Variants in CNTN5 observed in about 807,000 individuals in gnomAD.
The protein encoded by CNTN5 is contactin 5, also known as contactin-5.
Under a neutral mutation model 129.1 loss-of-function variants are expected in CNTN5, and 77 were observed. The ratio of observed to expected loss-of-function variants is 0.60; its 90% CI spans 0.50 to 0.72. The LOEUF (loss-of-function observed/expected upper bound fraction) is 0.72. Ranked by LOEUF, CNTN5 falls within the 30% of genes least tolerant of loss-of-function variation. CNTN5 has a pLI of 0.00. For missense variants in CNTN5, 1,478 were observed against 1,328.8 expected (o/e 1.11, Z -1.75); for synonymous variants, 509 against 465.6 (o/e 1.09, Z -1.20).
chr11:99,637,697 AAT>A (rs538996884), intron 3 of CNTN5, among the ~76,000 whole-genome samples: 4 of 150,098 alleles, frequency 2.7e-5, no homozygotes, highest in African/African-American at 9.7e-5. Context: ...GGTGCTCAAA[AAT>A]ATATAACTAT....
intron 2 of CNTN5, among the ~76,000 whole-genome samples, chr11:99,438,922 G>A (rs1019746876): frequency 1.3e-5 from 2 of 152,208 alleles, no homozygotes; most frequent in African/African-American, 4.8e-5. Flanking sequence ...CTTCGATGAT[G>A]TTGTGACGCT....
chr11:99,259,807 TTTTG>T (rs1862546479), intron 1 of CNTN5, among the ~76,000 whole-genome samples: 1 of 151,910 alleles, frequency 6.6e-6, no homozygotes, highest in African/African-American at 2.4e-5. Context: ...CATGTTATAA[TTTTG>T]TTTATTTCTT....
chr11:99,846,174 T>A (rs1323424074), intron 6 of CNTN5, among the ~76,000 whole-genome samples: 1 of 126,118 alleles, frequency 7.9e-6, no homozygotes, highest in Non-Finnish European at 1.7e-5. Flanking sequence ...ATATAAACAT[T>A]TCTAAAGTAG....
chr11:99,667,179 C>A (rs1335283817), intron 3 of CNTN5, among the ~76,000 whole-genome samples: 2 of 151,864 alleles, frequency 1.3e-5, no homozygotes, highest in Non-Finnish European at 1.5e-5. Context: ...AACCAAAGGT[C>A]AGTGGTATGA....
chr11:99,145,387 T>TG (rs1555057559), intron 1 of CNTN5, among the ~76,000 whole-genome samples: 1 of 151,500 alleles, frequency 6.6e-6, no homozygotes, highest in Non-Finnish European at 1.5e-5. Context: ...CTTTTTTTTT[T>TG]CTGTAGATGT....
chr11:99,107,189 A>T (rs1035296937), intron 1 of CNTN5, among the ~76,000 whole-genome samples: 1 of 152,182 alleles, frequency 6.6e-6, no homozygotes, highest in Non-Finnish European at 1.5e-5. Flanking sequence ...ATATTGAAGA[A>T]TAATAGAAGA....
At chr11:99,059,306 A>T (rs1214790807) in intron 1 of CNTN5, among the ~76,000 whole-genome samples, 1 of 152,076 alleles carries the variant, frequency 6.6e-6, no homozygotes, top group Non-Finnish European at 1.5e-5. Context: ...AACAATATGT[A>T]GACTATTCTT....
chr11:99,702,632 G>A (rs1285289369), intron 3 of CNTN5, among the ~76,000 whole-genome samples: 1 of 150,642 alleles, frequency 6.6e-6, no homozygotes, highest in African/African-American at 2.4e-5. Flanking sequence ...TTCAAAATTG[G>A]ATCATATTCA....
chr11:99,888,326 T>C (rs1948954074), intron 6 of CNTN5, among the ~76,000 whole-genome samples: 1 of 152,216 alleles, frequency 6.6e-6, no homozygotes, highest in South Asian at 2.1e-4. Flanking sequence ...ATATATATTT[T>C]ATGATAAGCA....
rs972500035 is a variant in CNTN5 at position 99,325,362 on chromosome 11, G to A, written c.-193G>A. On this transcript the variant is annotated 5_prime_UTR_variant, in exon 2 of 25. Coordinates refer to ENST00000524871, the MANE Select transcript of CNTN5 (RefSeq NM_014361.4). ...TCTTAACAGGTGTCTTTAAAGGATT[G>A]CCATTTAATGCCATTCAAGATCTAC... 6.6e-6 allele frequency: 1 copy of A among 151,906 alleles called. No individual in the cohort carries two copies. The highest frequency in any genetic ancestry group is 1.5e-5 in the Non-Finnish European group (1 of 67,968). 9.4% of individuals were successfully genotyped at this position (151,906 alleles called of 1,614,324 possible).
chr11:99,445,734 C>G (rs1944035811), intron 2 of CNTN5, among the ~76,000 whole-genome samples: 1 of 152,070 alleles, frequency 6.6e-6, no homozygotes, highest in Non-Finnish European at 1.5e-5. Context: ...TTTTATATTT[C>G]AGAGGACGTA....
intron 13 of CNTN5, among the ~76,000 whole-genome samples, chr11:100,116,123 G>T (rs1291251454): frequency 1.3e-5 from 2 of 151,948 alleles, no homozygotes; most frequent in Non-Finnish European, 2.9e-5. Context: ...CCCAAGTTTA[G>T]GTTCTCTGGG....
chr11:99,769,017 G>T (rs559896698), intron 3 of CNTN5, among the ~76,000 whole-genome samples: 1,784 of 147,018 alleles, frequency 0.012, 29 homozygotes, highest in African/African-American at 0.042. Flanking sequence ...CTGTTTAAAA[G>T]TTCTTTTCTC....
intron 3 of CNTN5, among the ~76,000 whole-genome samples, chr11:99,698,615 G>T (rs1954376427): frequency 6.6e-6 from 1 of 151,360 alleles, no homozygotes; most frequent in Non-Finnish European, 1.5e-5. Context: ...TATACCAACT[G>T]TTCCAACTTT....
intron 21 of CNTN5, among the ~76,000 whole-genome samples, chr11:100,334,727 A>AT (rs1951992433): frequency 6.6e-6 from 1 of 152,190 alleles, no homozygotes; most frequent in South Asian, 2.1e-4. Flanking sequence ...GAACTAAGCT[A>AT]TGAAGATGCA....
intron 3 of CNTN5, among the ~76,000 whole-genome samples, chr11:99,589,524 G>A (rs1949911548): frequency 6.6e-6 from 1 of 152,100 alleles, no homozygotes; most frequent in Non-Finnish European, 1.5e-5. Flanking sequence ...TATACTAATA[G>A]AAAATGAATC....
chr11:100,328,171 C>T (rs762954820), intron 21 of CNTN5, among the ~76,000 whole-genome samples: 3 of 147,962 alleles, frequency 2.0e-5, no homozygotes, highest in Non-Finnish European at 4.5e-5. Context: ...GGCAACATAG[C>T]GAGACCATGT....
At chr11:99,082,739 A>G (rs956962370) in intron 1 of CNTN5, among the ~76,000 whole-genome samples, 5 of 152,202 alleles carry the variant, frequency 3.3e-5, no homozygotes, top group Non-Finnish European at 7.3e-5. Context: ...AGACTGTGAA[A>G]ATTATCTAAA....
At chr11:99,381,375 T>A (rs1337299834) in intron 2 of CNTN5, among the ~76,000 whole-genome samples, 1 of 152,218 alleles carries the variant, frequency 6.6e-6, no homozygotes. Context: ...CAGATTTTTT[T>A]AAGTATATGT....
Sources: gnomAD v4.1 joint callset for allele counts (sites outside exome capture counted in the v4.1 genomes callset) on GRCh38, gnomAD v4.1.1 for gene constraint, MANE v1.5 for transcripts, NCBI Gene and HGNC (gene_info 2026-07-23, HGNC 2026-07-21) for gene names.